The following ELN variants were observed in gnomAD, a reference collection of about 807,000 sequenced individuals.
ELN encodes elastin.
Under a neutral mutation model 105.8 loss-of-function variants are expected in ELN, and 65 were observed. That is an observed-to-expected ratio of 0.61 (90% confidence interval 0.50 to 0.75). The LOEUF is 0.75. Ranked by LOEUF, ELN falls within the 30% of genes least tolerant of loss-of-function variation. ELN has a pLI of 0.00. For missense variants in ELN, 882 were observed against 969.4 expected (o/e 0.91, Z 1.20); for synonymous variants, 368 against 389.2 (o/e 0.95, Z 0.64).
At chr7:74,061,463 C>A (rs1411265676) in intron 26 of ELN, among the ~76,000 whole-genome samples, 2 of 147,188 alleles carry the variant, frequency 1.4e-5, no homozygotes, top group African/African-American at 5.1e-5. Context: ...ACCAGCCTGA[C>A]CAATATGGTG....
Position 74,048,490 on chromosome 7 carries a change from TTCC to T in ELN, c.746-11_746-9del. The T allele has an allele frequency of 6.2e-7, 1 of 1,613,970 alleles. No individual in the cohort carries two copies. The highest frequency in any genetic ancestry group is 8.5e-7 in the Non-Finnish European group (1 of 1,179,912). On this transcript the variant is annotated splice_polypyrimidine_tract_variant and intron_variant, in intron 14 of 32. Coordinates refer to ENST00000252034, the MANE Select transcript of ELN (RefSeq NM_000501.4). ...CTGTTTCAAGGTCTCTCCCCTCTGCTTCCTTCCCCCAGGGGTTGGCCCCCAGGC... is the reference window on the plus strand; with the variant it reads ...CTGTTTCAAGGTCTCTCCCCTCTGCTTTCCCCCAGGGGTTGGCCCCCAGGC...
At chr7:74,041,275 A>T in intron 5 of ELN, 24 bp downstream of exon 5, 1 of 1,613,754 alleles carries the variant, frequency 6.2e-7, no homozygotes, top group Non-Finnish European at 8.5e-7. Context: ...CCCAAGAAAG[A>T]TATCCCCTGT....
chr7:74,065,654 C>T, intron 29 of ELN, 40 bp from the exon 30 acceptor site: 1 of 1,606,362 alleles, frequency 6.2e-7, no homozygotes, highest in Non-Finnish European at 8.5e-7. Flanking sequence ...TGACAGGTGG[C>T]ATTGGCATTC....
intron 1 of ELN, among the ~76,000 whole-genome samples, chr7:74,031,986 G>A (rs1252939851): frequency 6.6e-5 from 10 of 152,064 alleles, no homozygotes; most frequent in African/African-American, 2.4e-4. Flanking sequence ...CAGAACTGAA[G>A]AGACAGAAGA....
intron 19 of ELN, among the ~76,000 whole-genome samples, 189 bp downstream of exon 19, chr7:74,054,958 G>A (rs935935812): frequency 6.6e-6 from 1 of 152,254 alleles, no homozygotes; most frequent in African/African-American, 2.4e-5. Flanking sequence ...GCTGAGTGGC[G>A]GGAAAGTCCC....
intron 5 of ELN, among the ~76,000 whole-genome samples, chr7:74,041,590 G>A (rs1554668568): frequency 6.6e-6 from 1 of 152,212 alleles, no homozygotes; most frequent in African/African-American, 2.4e-5. Flanking sequence ...AAAGATCCAT[G>A]CAGTTTTCAG....
At chr7:74,036,710 C>T in intron 3 of ELN, 126 bp downstream of exon 3, 2 of 1,381,430 alleles carry the variant, frequency 1.4e-6, no homozygotes, top group South Asian at 2.4e-5. Context: ...TCACAGACAG[C>T]ATCCAGGCGG....
Position 74,065,891 on chromosome 7 carries a change from G to A in ELN, c.2033-53G>A, listed in dbSNP as rs1797827353. 1.4e-5 allele frequency: 23 copies of A among 1,613,650 alleles called. 1 individual carries two copies. The South Asian group carries it at 2.4e-4, about 17-fold the overall frequency. ...AACCCAGAACCCAGCAGGGATATCA[G>A]GGCCTCTTCCCGATGGGGGTGTCTT... On this transcript the variant is annotated intron_variant, in intron 30 of 32. Transcript: ENST00000252034.
chr7:74,050,190 C>T (rs1793701266), intron 15 of ELN, among the ~76,000 whole-genome samples: 1 of 151,356 alleles, frequency 6.6e-6, no homozygotes, highest in Non-Finnish European at 1.5e-5. Context: ...CCCATCTATC[C>T]ATCCATCCAT....
Position 74,045,909 on chromosome 7 carries a change from C to T in ELN, c.542-279C>T, listed in dbSNP as rs1021290610. 14 of 492,442 alleles carry T rather than the reference C, an allele frequency of 2.8e-5. No homozygotes were observed. The East Asian group carries it at 2.9e-4, about 10-fold the overall frequency. The allele number at this position is 492,442 out of a possible 1,614,324, so 30.5% of individuals were successfully genotyped here. On this transcript the variant is annotated intron_variant, in intron 10 of 32. Coordinates refer to ENST00000252034, the MANE Select transcript of ELN (RefSeq NM_000501.4). ...AATTAGCTGGGCGTGGTGGCCTGCA[C>T]CTGTAATCCCAGCTACTTGGGAGGC...
At chr7:74,048,698 C>G in intron 15 of ELN, 142 bp downstream of exon 15, 1 of 908,838 alleles carries the variant, frequency 1.1e-6, no homozygotes, top group East Asian at 2.6e-5. Context: ...TCTATCTATC[C>G]CTCCCTCCAA....
At chr7:74,028,298 G>A (rs373874745) in intron 1 of ELN, 29 bp downstream of exon 1, 7 of 1,592,660 alleles carry the variant, frequency 4.4e-6, no homozygotes, top group East Asian at 2.3e-5. Flanking sequence ...TGTCCCCAGC[G>A]CTGCCCACAG....
intron 31 of ELN, 123 bp from the exon 32 acceptor site, chr7:74,066,609 G>T: frequency 1.3e-6 from 1 of 781,888 alleles, no homozygotes; most frequent in Non-Finnish European, 2.2e-6. Context: ...TTATATAGTG[G>T]GGGGGATGGA....
chr7:74,041,070 C>T, intron 4 of ELN, 146 bp from the exon 5 acceptor site: 1 of 993,126 alleles, frequency 1.0e-6, no homozygotes, highest in Admixed American at 1.7e-5. Flanking sequence ...GCTATTTTAT[C>T]AGGATCGACC....
intron 20 of ELN, 117 bp downstream of exon 20, chr7:74,056,552 G>C: frequency 6.2e-7 from 1 of 1,600,856 alleles, no homozygotes; most frequent in South Asian, 1.1e-5. Context: ...TCAGGGAGGA[G>C]TTGGGGGAGA....
chr7:74,032,365 G>T (rs1433246217), intron 1 of ELN, among the ~76,000 whole-genome samples: 1 of 152,210 alleles, frequency 6.6e-6, no homozygotes, highest in Non-Finnish European at 1.5e-5. Flanking sequence ...TTGGACAGAG[G>T]CAAGGACATT....
Position 74,052,210 on chromosome 7 carries a change from C to T in ELN, c.949+227C>T, listed in dbSNP as rs1331352447. On this transcript the variant is annotated intron_variant, in intron 17 of 32. Transcript: ENST00000252034. ...GGGACCCTGCAGAGGGGACATGGCTCCTCCCACTCCATCCCCTCCAGGGCC... is the reference window on the plus strand; with the variant it reads ...GGGACCCTGCAGAGGGGACATGGCTTCTCCCACTCCATCCCCTCCAGGGCC... 22 of 584,626 alleles carry T rather than the reference C, an allele frequency of 3.8e-5. 1 individual carries two copies. The highest frequency in any genetic ancestry group is 3.6e-4 in the South Asian group (18 of 50,236). 36.2% of individuals were successfully genotyped at this position (584,626 alleles called of 1,614,324 possible).
At chr7:74,064,235 G>T (rs1797405385) in intron 29 of ELN, among the ~76,000 whole-genome samples, 1 of 149,020 alleles carries the variant, frequency 6.7e-6, no homozygotes, top group Non-Finnish European at 1.5e-5. Context: ...CTAACACAGT[G>T]AAACCCCGTC....
intron 29 of ELN, among the ~76,000 whole-genome samples, chr7:74,064,424 ATATAT>A (rs1362371523): frequency 1.1e-5 from 1 of 87,620 alleles, no homozygotes; most frequent in African/African-American, 4.1e-5. Flanking sequence ...CAAAAAAAAA[ATATAT>A]ATATATATAT....
Sources: gnomAD v4.1 joint callset for allele counts (sites outside exome capture counted in the v4.1 genomes callset) on GRCh38, gnomAD v4.1.1 for gene constraint, MANE v1.5 for transcripts, NCBI Gene and HGNC (gene_info 2026-07-23, HGNC 2026-07-21) for gene names.